Variants in TEX15 observed in about 807,000 individuals in gnomAD.
TEX15 encodes testis expressed 15, meiosis and synapsis associated.
TEX15 carries 171 observed loss-of-function variants against 237.3 expected under a neutral mutation model. The ratio of observed to expected loss-of-function variants is 0.72; its 90% CI spans 0.64 to 0.82. The LOEUF (loss-of-function observed/expected upper bound fraction) is 0.82, where lower values mean the gene tolerates loss of function less well. Ranked by LOEUF, TEX15 falls within the 40% of genes least tolerant of loss-of-function variation. The pLI is 0.00. For missense variants in TEX15, 3,750 were observed against 3,646.5 expected (o/e 1.03, Z -0.73); for synonymous variants, 1,338 against 1,269.8 (o/e 1.05, Z -1.14).
rs140180655 is a variant in TEX15, at chr8:30,844,366, G to A, written c.5801C>T (p.Ser1934Leu). The part of the protein sequence containing the change: ...KKGEIKVSKD[S>L]QSDLTLHSEI... Reference sequence around the variant, plus strand: ...TGAATGTAATGTCAAGTCAGACTGCGAGTCTTTACTAACTTTAATTTCCCC... The same window carrying A: ...TGAATGTAATGTCAAGTCAGACTGCAAGTCTTTACTAACTTTAATTTCCCC... Residue 1934 changes from serine (S) to leucine (L), a missense_variant, in exon 8 of 11, where the codon TCG (serine) becomes TTG (leucine). Coordinates refer to ENST00000643185, the MANE Select transcript of TEX15 (RefSeq NM_001350162.2). 1.3e-5 allele frequency: 21 copies of A among 1,610,408 alleles called. No homozygotes were observed. The highest frequency in any genetic ancestry group is 2.2e-5 in the East Asian group (1 of 44,860).
At position 30,842,080 on chromosome 8, in the gene TEX15, G is replaced by C. The variant is rs771741940; in HGVS notation, c.8087C>G (p.Pro2696Arg). 1.9e-6 allele frequency: 3 copies of C among 1,613,490 alleles called. No homozygotes were observed. The South Asian group carries it at 3.3e-5, about 18-fold the overall frequency. ...GTCTTCACATTTGTCTACAGTGCTCGGTCGTTTTTTAGAGGAATTTGAGAT... is the reference window on the plus strand; with the variant it reads ...GTCTTCACATTTGTCTACAGTGCTCCGTCGTTTTTTAGAGGAATTTGAGAT... ...KNISNSSKKR[P>R]STVDKCEDSQ... Residue 2696 changes from proline to arginine, a missense_variant, in exon 8 of 11, where the codon CCG becomes CGG. Pro to Arg is a moderately radical substitution (Grantham distance 103). Transcript: ENST00000643185.
intron 7 of TEX15, 84 bp downstream of exon 7, chr8:30,858,584 C>A: frequency 8.2e-7 from 1 of 1,214,510 alleles, no homozygotes; most frequent in Non-Finnish European, 1.1e-6. Flanking sequence ...AGGTGTGAAC[C>A]ATTGTGTCCA....
At chr8:30,869,613 C>G in intron 4 of TEX15, among the ~76,000 whole-genome samples, 1 of 152,016 alleles carries the variant, frequency 6.6e-6, no homozygotes, top group Non-Finnish European at 1.5e-5. Context: ...ACCTCCCTTT[C>G]CTTCTACCAA....
At chr8:30,866,747 A>C (rs1039931688) in intron 5 of TEX15, among the ~76,000 whole-genome samples, 2 of 151,508 alleles carry the variant, frequency 1.3e-5, no homozygotes, top group Non-Finnish European at 2.9e-5. Context: ...ACACACACGC[A>C]TGCACAAAAT....
chr8:30,848,199 T>C lies in TEX15; in HGVS notation c.1968A>G (p.Ile656Met). 6.2e-7 allele frequency: 1 copy of C among 1,612,064 alleles called. No homozygotes were observed. The highest frequency in any genetic ancestry group is 8.5e-7 in the Non-Finnish European group (1 of 1,179,684). ...DFTNETKISP[I>M]DNYIVLHQEY... ...CTTGGTGCAAAACAATGTAATTATC[T>C]ATTGGACTGATTTTTGTTTCATTAG... Residue 656 changes from isoleucine (I) to methionine (M), a missense_variant, in exon 8 of 11, where the codon ATA (isoleucine) becomes ATG (methionine). Coordinates refer to ENST00000643185, the MANE Select transcript of TEX15 (RefSeq NM_001350162.2).
Position 30,836,838 on chromosome 8 carries a change from T to C in TEX15, c.9446A>G (p.Asn3149Ser), listed in dbSNP as rs1288348892. The C allele has an allele frequency of 4.3e-6, 7 of 1,610,892 alleles. No homozygotes were observed. The highest frequency in any genetic ancestry group is 5.9e-6 in the Non-Finnish European group (7 of 1,178,844). ...AGGAACTTCTGGAGGCACAAATCGA[T>C]TAGGAAGGTAAGGGTATGTAGCTTG... is the stretch of plus-strand genomic sequence containing the variant. ...LPQATYPYLP[N>S]RFVPPEVPWV... Residue 3149 changes from asparagine (N) to serine (S), a missense_variant, in exon 10 of 11, where the codon AAT becomes AGT. Transcript: ENST00000643185.
chr8:30,854,343 G>T (rs1191026171), intron 7 of TEX15, among the ~76,000 whole-genome samples: 3 of 145,320 alleles, frequency 2.1e-5, no homozygotes, highest in African/African-American at 7.5e-5. Flanking sequence ...GAAATAAAAA[G>T]ACTATTAAAG....
At position 30,844,617 on chromosome 8, in the gene TEX15, C is replaced by T. The variant is rs746702451; in HGVS notation, c.5550G>A (p.Ala1850=). 32 of 1,613,028 alleles carry T rather than the reference C, an allele frequency of 2.0e-5. No homozygotes were observed. The highest frequency in any genetic ancestry group is 3.3e-4 in the Middle Eastern group (2 of 6,064). ...EDRITWKVKQ[A]EKAKDSVYKR... The stretch of plus-strand genomic sequence containing the variant: ...TGTAAACAGAATCTTTTGCTTTTTC[C>T]GCTTGTTTAACTTTCCACGTTATTC... Residue 1850 remains alanine, a synonymous_variant, in exon 8 of 11, where the codon GCG becomes GCA. Coordinates refer to ENST00000643185, the MANE Select transcript of TEX15 (RefSeq NM_001350162.2).
rs532205700 is a variant in TEX15 at position 30,871,915 on chromosome 8, T to C, written c.302+3022A>G. Among the ~76,000 whole-genome samples the C allele has an allele frequency of 7.2e-5, 11 of 152,188 alleles. No individual in the cohort carries two copies. In the East Asian group the frequency reaches 2.1e-3, roughly 29 times the overall value. ...CAAAATACAATGGTGGAGGAAAAAA[T>C]ACAATTAAATTCTAAAAAGTAAAGA... is the stretch of plus-strand genomic sequence containing the variant. On this transcript the variant is annotated intron_variant, in intron 4 of 10. Transcript: ENST00000643185.
intron 2 of TEX15, among the ~76,000 whole-genome samples, chr8:30,894,844 C>A (rs553519532): frequency 6.6e-6 from 1 of 152,182 alleles, no homozygotes; most frequent in East Asian, 1.9e-4. Flanking sequence ...AAAGGTGGTG[C>A]CTTCATGAAG....
chr8:30,889,940 T>TATATATATATACAC (rs1563273138), intron 2 of TEX15, among the ~76,000 whole-genome samples: 1 of 129,922 alleles, frequency 7.7e-6, no homozygotes, highest in African/African-American at 3.6e-5. Flanking sequence ...TATACATATA[T>TATATATATATACAC]ATATATATAT....
chr8:30,855,240 A>G (rs1355016129), intron 7 of TEX15, among the ~76,000 whole-genome samples: 1 of 152,202 alleles, frequency 6.6e-6, no homozygotes, highest in Non-Finnish European at 1.5e-5. Context: ...GAGTTCAGCA[A>G]GACTGCAGGA....
intron 3 of TEX15, among the ~76,000 whole-genome samples, chr8:30,879,145 T>C (rs1408842251): frequency 6.6e-6 from 1 of 152,102 alleles, no homozygotes; most frequent in East Asian, 1.9e-4. Flanking sequence ...TTTTACCTAC[T>C]GAACTTTGAA....
chr8:30,859,705 G>A (rs1401971800), intron 6 of TEX15, among the ~76,000 whole-genome samples: 1 of 152,142 alleles, frequency 6.6e-6, no homozygotes, highest in Non-Finnish European at 1.5e-5. Context: ...AGAAGCCACT[G>A]TACTTTGAAC....
intron 3 of TEX15, among the ~76,000 whole-genome samples, chr8:30,875,384 T>C (rs1158754582): frequency 2.6e-5 from 4 of 152,188 alleles, no homozygotes; most frequent in African/African-American, 9.7e-5. Flanking sequence ...ACTTAAGATG[T>C]TGCAACTCTG....
chr8:30,857,107 A>G (rs911647331), intron 7 of TEX15, among the ~76,000 whole-genome samples: 2 of 152,230 alleles, frequency 1.3e-5, no homozygotes, highest in Non-Finnish European at 2.9e-5. Context: ...CAAAGAGATG[A>G]ATAGAGAGTC....
chr8:30,847,519 T>C lies in TEX15; in HGVS notation c.2648A>G (p.Tyr883Cys). Residue 883 changes from tyrosine (Y) to cysteine (C), a missense_variant, in exon 8 of 11, where the codon TAT becomes TGT. By Grantham distance (194) the Tyr-to-Cys change is radical. Transcript: ENST00000643185. ...ATGAGAATCCTGCTTTTTGTCTCCA[T>C]ATATGTTCTCTATGTTGTTTTCTAC... ...SCVENNIENI[Y>C]GDKKQDSHTN... is the part of the protein sequence containing the mutation. 2 of 1,613,508 alleles carry C rather than the reference T, an allele frequency of 1.2e-6. No homozygotes were observed. Among genetic ancestry groups the C allele is most frequent in the Non-Finnish European group, 1.7e-6 (2 of 1,179,884 alleles).
chr8:30,837,324 T>C lies in TEX15; in HGVS notation c.8960A>G (p.Asn2987Ser). The C allele has an allele frequency of 6.2e-7, 1 of 1,614,180 alleles. No homozygotes were observed. Among genetic ancestry groups the C allele is most frequent in the South Asian group, 1.1e-5 (1 of 91,078 alleles). ...AGAGTACTCTGCTCCTTGATTCACATTAAGGGTTATATGCCCAGATGCTCC... is the reference window on the plus strand; with the variant it reads ...AGAGTACTCTGCTCCTTGATTCACACTAAGGGTTATATGCCCAGATGCTCC... Reference protein sequence around the residue: ...TFGASGHITLNVNQGAEYSLS... With the variant: ...TFGASGHITLSVNQGAEYSLS... Residue 2987 changes from asparagine (N) to serine (S), a missense_variant, in exon 10 of 11, where the codon AAT becomes AGT. Physicochemically the swap from Asn to Ser is conservative, Grantham distance 46. Transcript: ENST00000643185.
At chr8:30,902,303 T>A (rs1226862368) in intron 1 of TEX15, among the ~76,000 whole-genome samples, 1 of 151,410 alleles carries the variant, frequency 6.6e-6, no homozygotes, top group East Asian at 1.9e-4. Flanking sequence ...TACTTGCAAC[T>A]GGGAACTTCA....
Sources: allele counts gnomAD v4.1 joint callset (sites outside exome capture counted in the v4.1 genomes callset), GRCh38; gene constraint gnomAD v4.1.1; transcripts MANE v1.5; gene names NCBI Gene and HGNC (gene_info 2026-07-23, HGNC 2026-07-21).